PNPLA5: variants seen among roughly 807,000 people sequenced by gnomAD.
PNPLA5 encodes patatin like domain 5, triacylglycerol lipase.
PNPLA5 carries 44 observed loss-of-function variants against 49.1 expected under a neutral mutation model. The observed-to-expected ratio is 0.90, with a 90% CI of 0.70 to 1.15. PNPLA5 has a LOEUF of 1.15. PNPLA5 is among the 50% of genes most tolerant of loss of function. The pLI, the probability that PNPLA5 is intolerant of heterozygous loss-of-function variation, is 0.00. For synonymous variants in PNPLA5, 243 were observed against 244.4 expected, an observed-to-expected ratio of 0.99 and a Z score of 0.06; for missense variants, 603 against 564.0, an observed-to-expected ratio of 1.07 and a Z score of -0.70.
chr22:43,887,847 C>CA (rs1164447906), intron 4 of PNPLA5, 196 bp from the exon 5 acceptor site: 2 of 821,648 alleles, frequency 2.4e-6, no homozygotes, highest in African/African-American at 3.7e-5. Flanking sequence ...CAGAGGCCTG[C>CA]AGGCAGAACA....
rs763073890 is a variant in PNPLA5 at position 43,889,419 on chromosome 22, C to T, written c.612G>A (p.Leu204=). 6.2e-7 allele frequency: 1 copy of T among 1,614,024 alleles called. No homozygotes were observed. The highest frequency in any genetic ancestry group is 8.5e-7 in the Non-Finnish European group (1 of 1,180,008). Reference sequence around the variant, plus strand: ...TGAAGTTGAAGACGTTCAGCTCATGCAGGTTGGGGGAGGTGCTCTGGGGGC... The same window carrying T: ...TGAAGTTGAAGACGTTCAGCTCATGTAGGTTGGGGGAGGTGCTCTGGGGGC... ...DICPQSTSPN[L]HELNVFNFSF... The change falls in exon 4 of 9, where the codon CTG becomes CTA. Residue 204 remains leucine (L), a synonymous_variant. Transcript: ENST00000216177.
chr22:43,883,008 C>G (rs1020137691), intron 7 of PNPLA5, among the ~76,000 whole-genome samples: 2 of 151,724 alleles, frequency 1.3e-5, no homozygotes, highest in African/African-American at 4.8e-5. Context: ...GCGTCGTGTA[C>G]GGCACACTCC....
intron 4 of PNPLA5, among the ~76,000 whole-genome samples, chr22:43,888,371 A>AGTGTGTGTGTGTGTGT (rs35343347): frequency 1.2e-4 from 14 of 112,986 alleles, no homozygotes; most frequent in African/African-American, 4.4e-4. Context: ...GGGGCAGAGG[A>AGTGTGTGTGTGTGTGT]GTGTGTGTGT....
chr22:43,883,903 A>AC (rs1197671129), intron 7 of PNPLA5, among the ~76,000 whole-genome samples: 1 of 152,166 alleles, frequency 6.6e-6, no homozygotes, highest in African/African-American at 2.4e-5. Flanking sequence ...CCACACAGCC[A>AC]ACCTGAGATT....
rs1467259655 is a variant in PNPLA5, at chr22:43,880,230, C to T, written c.*565G>A. The T allele has an allele frequency of 5.1e-6, 2 of 395,442 alleles. No individual in the cohort carries two copies. Among genetic ancestry groups the T allele is most frequent in the Admixed American group, 4.4e-5 (1 of 22,644 alleles). The allele number at this position is 395,442 out of a possible 1,614,324, so 24.5% of individuals were successfully genotyped here. On this transcript the variant is annotated 3_prime_UTR_variant, in exon 9 of 9. Coordinates refer to ENST00000216177, the MANE Select transcript of PNPLA5 (RefSeq NM_138814.4). ...GCTGGGATCCTGAAAAGACCTGGAC[C>T]CCCCTCTCCTCCTCCTCCTGCTTCC...
chr22:43,891,388 G>T, intron 1 of PNPLA5, 94 bp from the exon 2 acceptor site: 1 of 1,439,390 alleles, frequency 6.9e-7, no homozygotes, highest in Non-Finnish European at 9.1e-7. Context: ...AGTGGGAGCG[G>T]GGTCCTCCCC....
Position 43,886,423 on chromosome 22 carries a change from T to G in PNPLA5, c.829A>C (p.Asn277His). ...SKEPPAPADG[N>H]WDAGCDQRWK... ...CGTTGGTCACAGCCAGCATCCCAGT[T>G]TCCGTCAGCCGGGGCTGGGGGTTCC... Residue 277 changes from asparagine to histidine, a missense_variant, in exon 6 of 9, where the codon AAC becomes CAC. Coordinates refer to ENST00000216177, the MANE Select transcript of PNPLA5 (RefSeq NM_138814.4). 6.2e-7 allele frequency: 1 copy of G among 1,614,150 alleles called. No homozygotes were observed. The highest frequency in any genetic ancestry group is 8.5e-7 in the Non-Finnish European group (1 of 1,180,022).
At chr22:43,890,147 AG>A in intron 2 of PNPLA5, 1 of 890,848 alleles carries the variant, frequency 1.1e-6, no homozygotes, top group South Asian at 5.2e-5. Flanking sequence ...AGAGTGGCCC[AG>A]ACTCCTTGCC....
chr22:43,882,447 A>G (rs1159707947), intron 7 of PNPLA5, among the ~76,000 whole-genome samples: 1 of 152,208 alleles, frequency 6.6e-6, no homozygotes, highest in Non-Finnish European at 1.5e-5. Flanking sequence ...AGGGGCCCCT[A>G]CACCAGACCT....
chr22:43,884,207 C>T lies in PNPLA5; in HGVS notation c.1082+6G>A. On this transcript the variant is annotated splice_donor_region_variant and intron_variant, in intron 7 of 8. Transcript: ENST00000216177. ...GCCCTTCCCAGGCCCCCTGGCCGAG[C>T]CTTACCTTCTGCTGCGGAAGTAGAT... is the stretch of plus-strand genomic sequence containing the variant. 1 of 1,544,084 alleles carries T rather than the reference C, an allele frequency of 6.5e-7. No individual in the cohort carries two copies. The highest frequency in any genetic ancestry group is 8.8e-7 in the Non-Finnish European group (1 of 1,142,462).
intron 5 of PNPLA5, 156 bp from the exon 6 acceptor site, chr22:43,886,644 C>T (rs2049668156): frequency 1.0e-6 from 1 of 979,596 alleles, no homozygotes; most frequent in African/African-American, 1.8e-5. Flanking sequence ...CTTCTGCCTT[C>T]CCCTGGCCCT....
chr22:43,889,293 G>C (rs535867495), intron 4 of PNPLA5, 36 bp downstream of exon 4: 3 of 1,608,544 alleles, frequency 1.9e-6, no homozygotes, highest in Non-Finnish European at 2.5e-6. Context: ...CTTGACCTTG[G>C]CCAAGCCTCT....
At chr22:43,890,008 C>T (rs1350185980) in intron 2 of PNPLA5, 144 bp from the exon 3 acceptor site, 1 of 1,435,842 alleles carries the variant, frequency 7.0e-7, no homozygotes, top group Non-Finnish European at 9.2e-7. Context: ...GGCATCACCT[C>T]CCAGCCAAGC....
At chr22:43,885,667 A>G (rs1195874279) in intron 6 of PNPLA5, among the ~76,000 whole-genome samples, 2 of 152,062 alleles carry the variant, frequency 1.3e-5, no homozygotes, top group Admixed American at 6.6e-5. Flanking sequence ...CCATCGTTAC[A>G]TGTGCCTGTG....
chr22:43,882,796 C>T (rs978471387), intron 7 of PNPLA5, among the ~76,000 whole-genome samples: 8 of 152,238 alleles, frequency 5.3e-5, no homozygotes, highest in South Asian at 2.1e-4. Context: ...GCAGGGCTGA[C>T]CCAGTCATTA....
At chr22:43,885,558 T>C (rs2049655680) in intron 6 of PNPLA5, among the ~76,000 whole-genome samples, 1 of 152,138 alleles carries the variant, frequency 6.6e-6, no homozygotes, top group South Asian at 2.1e-4. Context: ...CCAGGACCTT[T>C]GCACGTGCCA....
Position 43,891,182 on chromosome 22 carries a change from A to T in PNPLA5, c.306T>A (p.Asp102Glu). 1 of 1,593,404 alleles carries T rather than the reference A, an allele frequency of 6.3e-7. No individual in the cohort carries two copies. Among genetic ancestry groups the T allele is most frequent in the Non-Finnish European group, 8.6e-7 (1 of 1,167,026 alleles). Residue 102 changes from aspartate to glutamate, a missense_variant, in exon 2 of 9, where the codon GAT becomes GAA. Coordinates refer to ENST00000216177, the MANE Select transcript of PNPLA5 (RefSeq NM_138814.4). ...GGACGTGGGCGTCGGGGGGCAGAGC[A>T]TCCTGCAGCTGCTGCTTGACGTGCT... The part of the protein sequence containing the change: ...PIEHVKQQLQ[D>E]ALPPDAHVLA...
At chr22:43,880,997 C>T (rs1271553270) in intron 8 of PNPLA5, 112 bp from the exon 9 acceptor site, 6 of 1,242,342 alleles carry the variant, frequency 4.8e-6, no homozygotes, top group Non-Finnish European at 6.0e-6. Flanking sequence ...TCCCCCAAAT[C>T]CTGCTCTGAG....
intron 5 of PNPLA5, among the ~76,000 whole-genome samples, chr22:43,886,983 C>G (rs1487173445): frequency 6.6e-6 from 1 of 151,994 alleles, no homozygotes; most frequent in East Asian, 1.9e-4. Flanking sequence ...GTCTGAATGT[C>G]TATTGCACCA....
Sources: gnomAD v4.1 joint callset for allele counts (sites outside exome capture counted in the v4.1 genomes callset) on GRCh38, gnomAD v4.1.1 for gene constraint, MANE v1.5 for transcripts, NCBI Gene and HGNC (gene_info 2026-07-23, HGNC 2026-07-21) for gene names.